Variants in PITPNC1 observed in about 807,000 individuals in gnomAD.
PITPNC1 encodes the protein phosphatidylinositol transfer protein cytoplasmic 1.
PITPNC1 carries 18 observed loss-of-function variants against 44.7 expected under a neutral mutation model. That is an observed-to-expected ratio of 0.40 (90% CI 0.28 to 0.60). The LOEUF (loss-of-function observed/expected upper bound fraction) is 0.60. PITPNC1 is among the 20% of genes least tolerant of loss of function. The probability of loss-of-function intolerance (pLI) is 0.39; values close to 1 mark genes in which losing one functional copy is unlikely to be tolerated. For synonymous variants in PITPNC1, 141 were observed against 149.6 expected (o/e 0.94, Z 0.42); for missense variants, 290 against 418.4 (o/e 0.69, Z 2.68).
chr17:67,567,278 G>C (rs1468424903), intron 4 of PITPNC1, among the ~76,000 whole-genome samples: 1 of 152,078 alleles, frequency 6.6e-6, no homozygotes, highest in Non-Finnish European at 1.5e-5. Context: ...GAGGTCAGGA[G>C]ATCGAGACCA....
At chr17:67,420,487 C>T (rs572864816) in intron 1 of PITPNC1, among the ~76,000 whole-genome samples, 3 of 150,974 alleles carry the variant, frequency 2.0e-5, no homozygotes, top group Admixed American at 1.3e-4. Context: ...GGCTGGAGCT[C>T]GGTGGCGCTA....
chr17:67,428,359 T>C (rs993233725), intron 1 of PITPNC1, among the ~76,000 whole-genome samples: 2 of 151,990 alleles, frequency 1.3e-5, no homozygotes, highest in Non-Finnish European at 2.9e-5. Flanking sequence ...GGCAACATAA[T>C]GCCCATCTTT....
rs1384876748 is a variant in PITPNC1, at chr17:67,696,833, G to A, written c.*3945G>A. The A allele has an allele frequency of 1.3e-5, 2 of 151,240 alleles. No individual in the cohort carries two copies. Among genetic ancestry groups the A allele is most frequent in the Non-Finnish European group, 2.9e-5 (2 of 67,946 alleles). 9.4% of individuals were successfully genotyped at this position (151,240 alleles called of 1,614,324 possible). ...AGATGCCATTAATAATTGTAATTTT[G>A]TTGTTAAATTAACAAGGACTTTAGG... On this transcript the variant is annotated 3_prime_UTR_variant, in exon 9 of 9. Coordinates refer to ENST00000581322, the MANE Select transcript of PITPNC1 (RefSeq NM_012417.4).
chr17:67,427,186 C>T (rs985804451), intron 1 of PITPNC1, among the ~76,000 whole-genome samples: 3 of 152,094 alleles, frequency 2.0e-5, no homozygotes, highest in African/African-American at 7.2e-5. Context: ...TTCTTTCTTT[C>T]CCACAATGTA....
intron 1 of PITPNC1, among the ~76,000 whole-genome samples, chr17:67,444,586 C>CA: frequency 6.6e-6 from 1 of 151,982 alleles, no homozygotes; most frequent in East Asian, 1.9e-4. Context: ...AATCAACTGA[C>CA]AAAAAGCAGA....
chr17:67,566,352 C>T (rs576700436), intron 4 of PITPNC1, among the ~76,000 whole-genome samples: 1 of 152,138 alleles, frequency 6.6e-6, no homozygotes, highest in Non-Finnish European at 1.5e-5. Context: ...GACAGGCGTG[C>T]ACCACCATGC....
intron 1 of PITPNC1, among the ~76,000 whole-genome samples, chr17:67,424,085 C>CGAAA (rs2038708561): frequency 1.3e-5 from 1 of 76,122 alleles, no homozygotes; most frequent in South Asian, 5.1e-4. Context: ...GAGACTGTCT[C>CGAAA]AAAAAAAAAA....
chr17:67,455,506 C>G (rs778554342), intron 1 of PITPNC1, among the ~76,000 whole-genome samples: 1 of 152,076 alleles, frequency 6.6e-6, no homozygotes, highest in African/African-American at 2.4e-5. Context: ...CTGCAACTTC[C>G]GACTCCTGGG....
chr17:67,444,927 A>T (rs1352407465), intron 1 of PITPNC1, among the ~76,000 whole-genome samples: 5 of 151,984 alleles, frequency 3.3e-5, no homozygotes, highest in African/African-American at 4.8e-5. Context: ...ATATAAGTGT[A>T]TTAGTGTGCG....
At chr17:67,647,470 T>TTTTTTTTTTTTTTTTTTG (rs2042163600) in intron 6 of PITPNC1, among the ~76,000 whole-genome samples, 1 of 94,572 alleles carries the variant, frequency 1.1e-5, no homozygotes, top group African/African-American at 5.8e-5. Context: ...TTGGGTTTTT[T>TTTTTTTTTTTTTTTTTTG]TTTTTTTTTT....
At chr17:67,565,376 G>A (rs1263423696) in intron 4 of PITPNC1, among the ~76,000 whole-genome samples, 1 of 151,390 alleles carries the variant, frequency 6.6e-6, no homozygotes, top group African/African-American at 2.4e-5. Flanking sequence ...GTTTTCCAGT[G>A]TGTATACTAG....
intron 1 of PITPNC1, among the ~76,000 whole-genome samples, chr17:67,505,175 AAG>A (rs1179802259): frequency 6.6e-6 from 1 of 152,164 alleles, no homozygotes; most frequent in Non-Finnish European, 1.5e-5. Flanking sequence ...ATGCACTGAA[AAG>A]AGAGTGTATT....
chr17:67,669,462 G>A (rs2042477044), intron 6 of PITPNC1, 46 bp from the exon 7 acceptor site: 4 of 1,315,436 alleles, frequency 3.0e-6, no homozygotes, highest in East Asian at 2.5e-5. Context: ...TAATAATGAT[G>A]GTCAAACTTT....
At chr17:67,660,041 C>A (rs1368108611) in intron 6 of PITPNC1, among the ~76,000 whole-genome samples, 1 of 152,026 alleles carries the variant, frequency 6.6e-6, no homozygotes, top group African/African-American at 2.4e-5. Context: ...CCACCACACC[C>A]AACTAATTTT....
chr17:67,484,764 C>G (rs1421563022), intron 1 of PITPNC1, among the ~76,000 whole-genome samples: 2 of 152,022 alleles, frequency 1.3e-5, no homozygotes, highest in Non-Finnish European at 2.9e-5. Flanking sequence ...ATGGTGAAAC[C>G]TAGACTCTAC....
chr17:67,377,756 G>T lies in PITPNC1; in HGVS notation c.-399G>T. 1 of 174,136 alleles carries T rather than the reference G, an allele frequency of 5.7e-6. No homozygotes were observed. Among genetic ancestry groups the T allele is most frequent in the Admixed American group, 6.3e-5 (1 of 15,818 alleles). The allele number at this position is 174,136 out of a possible 1,614,324, so 10.8% of individuals were successfully genotyped here. A position where few individuals can be genotyped will look rare whatever the true frequency, so the allele number is the denominator to read the frequency against. On this transcript the variant is annotated 5_prime_UTR_variant, in exon 1 of 9. Coordinates refer to ENST00000581322, the MANE Select transcript of PITPNC1 (RefSeq NM_012417.4). ...GGCGGATCGAGCGGGTGACTTTTGT[G>T]CATTCGTTTTAATTTTTGGAAATCT... is the stretch of plus-strand genomic sequence containing the variant.
chr17:67,487,821 G>A (rs552834163), intron 1 of PITPNC1, among the ~76,000 whole-genome samples: 2 of 152,282 alleles, frequency 1.3e-5, no homozygotes, highest in East Asian at 3.9e-4. Context: ...TCACACACTT[G>A]GGGTTTGGGA....
chr17:67,666,038 T>C (rs572708992), intron 6 of PITPNC1, among the ~76,000 whole-genome samples: 55 of 152,188 alleles, frequency 3.6e-4, no homozygotes, highest in Admixed American at 2.0e-3. Flanking sequence ...AGACGGGCTT[T>C]TACCATGTTG....
chr17:67,459,619 G>T (rs1422066237), intron 1 of PITPNC1: 1 of 152,080 alleles, frequency 6.6e-6, no homozygotes, highest in Non-Finnish European at 1.5e-5. Context: ...GGGAGATTCC[G>T]CCCCTACGTT....
Sources: allele counts gnomAD v4.1 joint callset (sites outside exome capture counted in the v4.1 genomes callset), GRCh38; gene constraint gnomAD v4.1.1; transcripts MANE v1.5; gene names NCBI Gene and HGNC (gene_info 2026-07-23, HGNC 2026-07-21).